HHLA1: variants seen among roughly 807,000 people sequenced by gnomAD.
HHLA1 encodes HERV-H LTR-associating protein 1.
A neutral mutation model predicts 69.9 loss-of-function variants in HHLA1; 72 were observed. That is an observed-to-expected ratio of 1.03 (90% CI 0.85 to 1.25). The LOEUF is 1.25. Among genes scored for constraint, HHLA1 ranks in the 50% most tolerant of loss-of-function variants. The probability of loss-of-function intolerance (pLI) is 0.00; values close to 1 mark genes in which losing one functional copy is unlikely to be tolerated. For synonymous variants in HHLA1, 252 were observed against 233.2 expected, an observed-to-expected ratio of 1.08 and a Z score of -0.73; for missense variants, 685 against 642.2, an observed-to-expected ratio of 1.07 and a Z score of -0.72.
At chr8:132,095,640 C>A (rs757132470) in intron 6 of HHLA1, 38 bp from the exon 7 acceptor site, 1 of 1,530,870 alleles carries the variant, frequency 6.5e-7, no homozygotes, top group Non-Finnish European at 8.9e-7. Context: ...TCCTAACACA[C>A]AGACCAGCCC....
chr8:132,062,739 T>C lies in HHLA1; in HGVS notation c.*1256A>G, dbSNP rs770262257. ...ATACAATGAAGGTGGCAAATCAGTA[T>C]GTGGGGATGCAGAAGAAAGTTGACT... On this transcript the variant is annotated 3_prime_UTR_variant, in exon 17 of 17. Transcript: ENST00000414222. The C allele has an allele frequency of 6.6e-6, 1 of 152,204 alleles. No individual in the cohort carries two copies. Among genetic ancestry groups the C allele is most frequent in the Non-Finnish European group, 1.5e-5 (1 of 68,076 alleles). 9.4% of individuals were successfully genotyped at this position (152,204 alleles called of 1,614,324 possible). A position where few individuals can be genotyped will look rare whatever the true frequency, so the allele number is the denominator to read the frequency against.
intron 7 of HHLA1, among the ~76,000 whole-genome samples, chr8:132,091,249 G>T (rs1029015844): frequency 6.6e-6 from 1 of 152,196 alleles, no homozygotes; most frequent in African/African-American, 2.4e-5. Flanking sequence ...GGTGAAGCAA[G>T]ATTCATAAAC....
intron 5 of HHLA1, among the ~76,000 whole-genome samples, chr8:132,097,932 A>T (rs1015747797): frequency 8.5e-5 from 13 of 152,220 alleles, no homozygotes; most frequent in Admixed American, 8.5e-4. Context: ...AGACCTCAAC[A>T]CTGAATTGGC....
intron 2 of HHLA1, 105 bp downstream of exon 2, chr8:132,105,082 T>C (rs1439997404): frequency 1.2e-6 from 1 of 858,236 alleles, no homozygotes; most frequent in Admixed American, 2.2e-5. Flanking sequence ...ACAAATTCAT[T>C]TGGATTCTGG....
At chr8:132,087,628 AG>A (rs944151317) in intron 10 of HHLA1, 24 bp downstream of exon 10, 4 of 1,482,458 alleles carry the variant, frequency 2.7e-6, no homozygotes, top group African/African-American at 1.4e-5. Context: ...AGTCTATGGG[AG>A]GAGTTTGGGA....
intron 10 of HHLA1, among the ~76,000 whole-genome samples, chr8:132,083,931 T>C (rs182030074): frequency 0.034 from 5,151 of 152,028 alleles, 110 homozygotes; most frequent in South Asian, 0.062. Flanking sequence ...CGGGAGCAGA[T>C]TGGGTGATAA....
intron 12 of HHLA1, among the ~76,000 whole-genome samples, chr8:132,077,048 G>A (rs1354139247): frequency 6.6e-6 from 1 of 152,090 alleles, no homozygotes; most frequent in Non-Finnish European, 1.5e-5. Context: ...GATCGTTTCT[G>A]TTAAGATTCT....
intron 5 of HHLA1, among the ~76,000 whole-genome samples, 160 bp from the exon 6 acceptor site, chr8:132,095,946 CAAAGTA>C (rs1563748075): frequency 6.6e-6 from 1 of 151,884 alleles, no homozygotes; most frequent in Non-Finnish European, 1.5e-5. Flanking sequence ...AAATAATAAA[CAAAGTA>C]AAACTAAACC....
chr8:132,079,283 T>C (rs1188842117), intron 11 of HHLA1, among the ~76,000 whole-genome samples: 1 of 152,236 alleles, frequency 6.6e-6, no homozygotes, highest in African/African-American at 2.4e-5. Context: ...AACCATGCCA[T>C]AAAATATTGA....
At chr8:132,086,769 C>A (rs142406501) in intron 10 of HHLA1, among the ~76,000 whole-genome samples, 1 of 152,078 alleles carries the variant, frequency 6.6e-6, no homozygotes, top group Non-Finnish European at 1.5e-5. Context: ...TAGTCTTGTC[C>A]CATACAAACT....
chr8:132,108,680 G>A (rs1010657175), intron 1 of HHLA1, among the ~76,000 whole-genome samples: 2 of 151,994 alleles, frequency 1.3e-5, no homozygotes, highest in Admixed American at 1.3e-4. Flanking sequence ...GAAGGCCATC[G>A]AGAATCAACA....
chr8:132,108,409 C>T (rs527238419), intron 1 of HHLA1, among the ~76,000 whole-genome samples: 4 of 152,148 alleles, frequency 2.6e-5, no homozygotes, highest in African/African-American at 9.6e-5. Context: ...AGAGTGAGTC[C>T]TCAAAGTTAT....
rs567471061 is a variant in HHLA1, at chr8:132,084,079, T to C, written c.676+3574A>G. Among the ~76,000 whole-genome samples the C allele has an allele frequency of 6.1e-3, 925 of 152,108 alleles. 9 individuals carry two copies. Among genetic ancestry groups the C allele is most frequent in the Middle Eastern group, 0.027 (8 of 294 alleles). ...GAAAAAGAGCCTAAATGCTATCTGA[T>C]TTGGGATAAAGAAAAAGGAGCATTA... On this transcript the variant is annotated intron_variant, in intron 10 of 16. Coordinates refer to ENST00000414222, the MANE Select transcript of HHLA1 (RefSeq NM_001145095.3).
At chr8:132,073,556 G>A (rs558034379) in intron 14 of HHLA1, among the ~76,000 whole-genome samples, 7 of 152,262 alleles carry the variant, frequency 4.6e-5, no homozygotes, top group Admixed American at 3.3e-4. Context: ...AGGACACAGA[G>A]GGTCTGAGTA....
At chr8:132,087,392 G>T (rs1008374371) in intron 10 of HHLA1, among the ~76,000 whole-genome samples, 4 of 152,102 alleles carry the variant, frequency 2.6e-5, no homozygotes, top group African/African-American at 9.7e-5. Context: ...GAAGGAAAAG[G>T]TGCCCTTCCT....
chr8:132,077,692 A>G, intron 12 of HHLA1, 34 bp downstream of exon 12: 1 of 1,540,152 alleles, frequency 6.5e-7, no homozygotes, highest in Admixed American at 2.0e-5. Flanking sequence ...TTTAATTTAA[A>G]ACGGGAGAGG....
chr8:132,067,041 C>T (rs757254298), intron 15 of HHLA1, among the ~76,000 whole-genome samples: 6 of 152,234 alleles, frequency 3.9e-5, no homozygotes, highest in South Asian at 2.1e-4. Context: ...GTGGTAACCC[C>T]GCATTAGCAG....
intron 7 of HHLA1, among the ~76,000 whole-genome samples, chr8:132,090,542 T>C (rs1823930598): frequency 6.6e-6 from 1 of 152,168 alleles, no homozygotes; most frequent in Admixed American, 6.5e-5. Context: ...AGGAAAATGT[T>C]ATGTGACAAT....
intron 7 of HHLA1, among the ~76,000 whole-genome samples, chr8:132,093,406 C>T (rs1021411312): frequency 4.6e-5 from 7 of 152,104 alleles, no homozygotes; most frequent in Non-Finnish European, 2.9e-5. Flanking sequence ...GCAAATATAC[C>T]CTCAAAGGAG....
Sources: allele counts gnomAD v4.1 joint callset (sites outside exome capture counted in the v4.1 genomes callset), GRCh38; gene constraint gnomAD v4.1.1; transcripts MANE v1.5; gene names NCBI Gene and HGNC (gene_info 2026-07-23, HGNC 2026-07-21).